The following GALNT17 variants were observed in gnomAD, a reference collection of about 807,000 sequenced individuals.
The protein encoded by GALNT17 is polypeptide N-acetylgalactosaminyltransferase 17, also known as UDP-GalNAc:polypeptide N-acetylgalactosaminyltransferase-like 3.
Under a neutral mutation model 63.7 loss-of-function variants are expected in GALNT17, and 29 were observed. That is an observed-to-expected ratio of 0.46 (90% CI 0.34 to 0.62). The LOEUF is 0.62. Among genes scored for constraint, GALNT17 ranks in the 20% least tolerant of loss-of-function variants. The probability of loss-of-function intolerance (pLI) is 0.01; values close to 1 mark genes in which losing one functional copy is unlikely to be tolerated. For missense variants in GALNT17, 603 were observed against 799.6 expected (o/e 0.75, Z 2.97); for synonymous variants, 305 against 318.3 (o/e 0.96, Z 0.45).
At chr7:71,490,816 C>A (rs1470363162) in intron 5 of GALNT17, among the ~76,000 whole-genome samples, 1 of 152,174 alleles carries the variant, frequency 6.6e-6, no homozygotes, top group East Asian at 1.9e-4. Flanking sequence ...AGGAGGATCT[C>A]TTGAGCCCAG....
intron 9 of GALNT17, among the ~76,000 whole-genome samples, chr7:71,681,709 G>T (rs1791264873): frequency 6.6e-6 from 1 of 152,194 alleles, no homozygotes; most frequent in Non-Finnish European, 1.5e-5. Flanking sequence ...AGTCACATTT[G>T]AATGGCGCAC....
At chr7:71,382,461 C>T (rs1040572348) in intron 2 of GALNT17, among the ~76,000 whole-genome samples, 5 of 152,028 alleles carry the variant, frequency 3.3e-5, no homozygotes, top group Non-Finnish European at 7.4e-5. Flanking sequence ...TTTGGGACTA[C>T]GAGGCTGGAG....
rs202101547 is a variant in GALNT17 at position 71,558,085 on chromosome 7, A to G, written c.963-13200A>G. On this transcript the variant is annotated intron_variant, in intron 5 of 10. Coordinates refer to ENST00000333538, the MANE Select transcript of GALNT17 (RefSeq NM_022479.3). Reference sequence around the variant, plus strand: ...CGAGACTCTGTCTCAAAAACAAAACAAAACAAAAACACAATCACCTTTCTG... The same window carrying G: ...CGAGACTCTGTCTCAAAAACAAAACGAAACAAAAACACAATCACCTTTCTG... Among the ~76,000 whole-genome samples, 19 of 152,216 alleles carry G rather than the reference A, an allele frequency of 1.2e-4. No individual in the cohort carries two copies. The East Asian group carries it at 3.5e-3, about 28-fold the overall frequency.
intron 5 of GALNT17, among the ~76,000 whole-genome samples, chr7:71,480,713 G>A (rs960623205): frequency 3.3e-5 from 5 of 152,110 alleles, no homozygotes; most frequent in African/African-American, 1.2e-4. Flanking sequence ...CAACATGTTG[G>A]CCGGGCTGGT....
chr7:71,202,857 G>C (rs556823988), intron 1 of GALNT17, among the ~76,000 whole-genome samples: 1 of 152,300 alleles, frequency 6.6e-6, no homozygotes, highest in African/African-American at 2.4e-5. Context: ...ATATAAGTGA[G>C]ATTACGCAGT....
At position 71,435,293 on chromosome 7, in the gene GALNT17, T is replaced by C. The variant is rs143725068; in HGVS notation, c.962+14188T>C. ...TTCCTTCTAACCTTTAACCTGTCCT[T>C]GTTCCTTCTGGGTCATAGGCTGAAT... is the stretch of plus-strand genomic sequence containing the variant. On this transcript the variant is annotated intron_variant, in intron 5 of 10. Coordinates refer to ENST00000333538, the MANE Select transcript of GALNT17 (RefSeq NM_022479.3). 7.9e-5 allele frequency among the ~76,000 whole-genome samples: 12 copies of C among 152,368 alleles called. No individual in the cohort carries two copies. In the East Asian group the frequency reaches 2.3e-3, roughly 29 times the overall value.
intron 1 of GALNT17, among the ~76,000 whole-genome samples, chr7:71,262,920 A>G (rs775054470): frequency 8.6e-5 from 13 of 151,660 alleles, no homozygotes; most frequent in Non-Finnish European, 1.3e-4. Context: ...AGTTCAAGCA[A>G]TCCACCCACC....
At chr7:71,394,252 C>G (rs945407460) in intron 3 of GALNT17, among the ~76,000 whole-genome samples, 1 of 151,966 alleles carries the variant, frequency 6.6e-6, no homozygotes, top group African/African-American at 2.4e-5. Context: ...GTGCGAGGCT[C>G]TTTTTAACAG....
In GALNT17 at chr7:71,477,254, C is replaced by A. The variant is rs188222185; in HGVS notation, c.962+56149C>A. The stretch of plus-strand genomic sequence containing the variant: ...AATGATTATCTTGACTGACAGGCTT[C>A]CCTGCCCAGTGGAAGAGAATAATGG... On this transcript the variant is annotated intron_variant, in intron 5 of 10. Transcript: ENST00000333538. Among the ~76,000 whole-genome samples, 318 of 152,196 alleles carry A rather than the reference C, an allele frequency of 2.1e-3. 1 individual carries two copies. Among genetic ancestry groups the A allele is most frequent in the African/African-American group, 6.7e-3 (280 of 41,508 alleles).
At chr7:71,498,794 C>T (rs1788134538) in intron 5 of GALNT17, among the ~76,000 whole-genome samples, 1 of 152,180 alleles carries the variant, frequency 6.6e-6, no homozygotes, top group African/African-American at 2.4e-5. Context: ...GAAGAATGTT[C>T]TTGCAGAAGC....
intron 9 of GALNT17, among the ~76,000 whole-genome samples, chr7:71,698,999 C>T (rs543618135): frequency 1.3e-5 from 2 of 151,698 alleles, no homozygotes; most frequent in East Asian, 3.9e-4. Context: ...TGGTGAAACC[C>T]TGTCTCTACT....
chr7:71,522,622 A>G (rs1032091103), intron 5 of GALNT17, among the ~76,000 whole-genome samples: 1 of 152,144 alleles, frequency 6.6e-6, no homozygotes, highest in Non-Finnish European at 1.5e-5. Context: ...GGTCCCTCCC[A>G]TAACATGTGG....
intron 1 of GALNT17, among the ~76,000 whole-genome samples, chr7:71,231,749 G>GGAGA (rs371282510): frequency 2.0e-4 from 29 of 145,574 alleles, no homozygotes; most frequent in Admixed American, 1.6e-3. Flanking sequence ...GGAGGGAGAG[G>GGAGA]GAGAGAGAGA....
intron 5 of GALNT17, among the ~76,000 whole-genome samples, chr7:71,426,478 T>C (rs891423509): frequency 6.6e-6 from 1 of 152,228 alleles, no homozygotes; most frequent in Non-Finnish European, 1.5e-5. Flanking sequence ...AAGAAATGCC[T>C]GAGGCTGAGT....
chr7:71,135,551 G>A lies in GALNT17; in HGVS notation c.238+2511G>A, dbSNP rs141792703. On this transcript the variant is annotated intron_variant, in intron 1 of 10. Coordinates refer to ENST00000333538, the MANE Select transcript of GALNT17 (RefSeq NM_022479.3). ...TCAGGCTCCAGAATGGAGGTTCTTA[G>A]CTCCTGCACCAGTGTCTTGATCTTC... Among the ~76,000 whole-genome samples, 111 of 152,310 alleles carry A rather than the reference G, an allele frequency of 7.3e-4. 1 individual carries two copies. The East Asian group carries it at 0.017, about 23-fold the overall frequency.
At chr7:71,257,619 C>T (rs745469116) in intron 1 of GALNT17, among the ~76,000 whole-genome samples, 11 of 152,190 alleles carry the variant, frequency 7.2e-5, no homozygotes, top group Non-Finnish European at 1.3e-4. Flanking sequence ...CGCTGAACCT[C>T]GCCTTCAGGA....
At chr7:71,441,244 A>G (rs1181260183) in intron 5 of GALNT17, among the ~76,000 whole-genome samples, 1 of 152,026 alleles carries the variant, frequency 6.6e-6, no homozygotes, top group African/African-American at 2.4e-5. Flanking sequence ...TCTGATCTCT[A>G]TCTCTTGACC....
At chr7:71,368,427 C>A (rs1351174084) in intron 2 of GALNT17, among the ~76,000 whole-genome samples, 1 of 152,068 alleles carries the variant, frequency 6.6e-6, no homozygotes, top group Non-Finnish European at 1.5e-5. Flanking sequence ...GAGTTTTTCC[C>A]GTCTTCCTGT....
intron 1 of GALNT17, among the ~76,000 whole-genome samples, chr7:71,291,233 A>C (rs934228262): frequency 1.3e-5 from 2 of 152,178 alleles, no homozygotes; most frequent in Admixed American, 1.3e-4. Context: ...AACACCTTCT[A>C]CATCATATAT....
Sources: allele counts gnomAD v4.1 joint callset (sites outside exome capture counted in the v4.1 genomes callset), GRCh38; gene constraint gnomAD v4.1.1; transcripts MANE v1.5; gene names NCBI Gene and HGNC (gene_info 2026-07-23, HGNC 2026-07-21).